ZEB1: variants seen among roughly 807,000 people sequenced by gnomAD.
The protein encoded by ZEB1 is zinc finger E-box-binding homeobox 1.
A neutral mutation model predicts 84.9 loss-of-function variants in ZEB1; 21 were observed. The ratio of observed to expected loss-of-function variants is 0.25; its 90% CI spans 0.18 to 0.36. The LOEUF is 0.36. Among genes scored for constraint, ZEB1 ranks in the 10% least tolerant of loss-of-function variants. ZEB1 has a pLI of 1.00. For synonymous variants in ZEB1, 420 were observed against 471.1 expected (o/e 0.89, Z 1.41); for missense variants, 1,104 against 1,330.2 (o/e 0.83, Z 2.65).
At chr10:31,425,654 G>C (rs982755633) in intron 1 of ZEB1, among the ~76,000 whole-genome samples, 1 of 152,008 alleles carries the variant, frequency 6.6e-6, no homozygotes, top group African/African-American at 2.4e-5. Context: ...TTTAGCATTA[G>C]TCACCCACAA....
intron 5 of ZEB1, among the ~76,000 whole-genome samples, chr10:31,511,891 A>G (rs1319082848): frequency 6.6e-6 from 1 of 152,202 alleles, no homozygotes; most frequent in African/African-American, 2.4e-5. Context: ...TACTTTGGCA[A>G]CAGTACTCAT....
In ZEB1 at chr10:31,361,285, C is replaced by T. The variant is rs1205736111; in HGVS notation, c.58+41993C>T. On this transcript the variant is annotated intron_variant, in intron 1 of 8. Transcript: ENST00000424869. Reference sequence around the variant, plus strand: ...TCGGCTCACTGCAACCTCCACTTCCCGGGTTCAAGCCATTCTCCTGCCTCA... The same window carrying T: ...TCGGCTCACTGCAACCTCCACTTCCTGGGTTCAAGCCATTCTCCTGCCTCA... The T allele has an allele frequency of 3.0e-5, 44 of 1,445,256 alleles. No homozygotes were observed. The East Asian group carries it at 3.2e-4, about 10-fold the overall frequency. The allele number at this position is 1,445,256 out of a possible 1,614,324, so 89.5% of individuals were successfully genotyped here.
intron 2 of ZEB1, among the ~76,000 whole-genome samples, chr10:31,471,914 A>G (rs1365270248): frequency 7.0e-6 from 1 of 143,034 alleles, no homozygotes; most frequent in African/African-American, 3.0e-5. Flanking sequence ...ATCTCACTCA[A>G]AACCACTCAA....
At chr10:31,424,224 T>A (rs537535363) in intron 1 of ZEB1, among the ~76,000 whole-genome samples, 1 of 152,166 alleles carries the variant, frequency 6.6e-6, no homozygotes, top group Admixed American at 6.5e-5. Context: ...AATGCCATCA[T>A]CAGTGAGACT....
At chr10:31,341,606 A>G (rs892244354) in intron 1 of ZEB1, among the ~76,000 whole-genome samples, 24 of 152,152 alleles carry the variant, frequency 1.6e-4, no homozygotes, top group Non-Finnish European at 3.1e-4. Context: ...GGCTGGAAAT[A>G]CAGCTTGAAG....
At chr10:31,438,586 T>G (rs2058542683) in intron 1 of ZEB1, among the ~76,000 whole-genome samples, 1 of 152,256 alleles carries the variant, frequency 6.6e-6, no homozygotes, top group South Asian at 2.1e-4. Context: ...CCAGTAATCC[T>G]AACACTTTGG....
rs950902247 is a variant in ZEB1, at chr10:31,529,127, C to T, written c.*1863C>T. 1.6e-4 allele frequency: 25 copies of T among 152,066 alleles called. No homozygotes were observed. Among genetic ancestry groups the T allele is most frequent in the African/African-American group, 6.0e-4 (25 of 41,392 alleles). The allele number at this position is 152,066 out of a possible 1,614,324, so 9.4% of individuals were successfully genotyped here. On this transcript the variant is annotated 3_prime_UTR_variant, in exon 9 of 9. Transcript: ENST00000424869. Reference sequence around the variant, plus strand: ...AGATCTGACTCTTCATTTTTAAGTTCCTTGTTACATCATGGTCATTTTCTA... The same window carrying T: ...AGATCTGACTCTTCATTTTTAAGTTTCTTGTTACATCATGGTCATTTTCTA...
At chr10:31,462,081 A>G (rs2061882404) in intron 2 of ZEB1, among the ~76,000 whole-genome samples, 1 of 152,168 alleles carries the variant, frequency 6.6e-6, no homozygotes, top group Non-Finnish European at 1.5e-5. Context: ...GCAAGAATTC[A>G]AGTTCAAAGA....
At chr10:31,450,790 T>C (rs1202097968) in intron 1 of ZEB1, among the ~76,000 whole-genome samples, 1 of 152,176 alleles carries the variant, frequency 6.6e-6, no homozygotes, top group African/African-American at 2.4e-5. Flanking sequence ...GCACATATAT[T>C]TTCTAATATT....
At chr10:31,332,292 A>G (rs112368802) in intron 1 of ZEB1, among the ~76,000 whole-genome samples, 1 of 152,154 alleles carries the variant, frequency 6.6e-6, no homozygotes, top group Admixed American at 6.5e-5. Context: ...TAGTCCCTGC[A>G]CTGTTAGGGG....
chr10:31,494,414 A>T (rs868069851), intron 2 of ZEB1, among the ~76,000 whole-genome samples: 4 of 152,066 alleles, frequency 2.6e-5, no homozygotes, highest in Non-Finnish European at 4.4e-5. Flanking sequence ...ATCTTCATGT[A>T]CTAGTATGAA....
intron 1 of ZEB1, among the ~76,000 whole-genome samples, chr10:31,350,739 G>A (rs1323468028): frequency 6.6e-6 from 1 of 151,796 alleles, no homozygotes; most frequent in African/African-American, 2.4e-5. Context: ...TTTTTTTTGG[G>A]TCTGTTTTAA....
chr10:31,441,268 CTGATGTT>C (rs1188689902), intron 1 of ZEB1, among the ~76,000 whole-genome samples: 4 of 152,212 alleles, frequency 2.6e-5, no homozygotes, highest in Non-Finnish European at 1.5e-5. Context: ...CTACAACCAT[CTGATGTT>C]TGACAAACCT....
chr10:31,376,831 A>G (rs970035305), intron 1 of ZEB1, among the ~76,000 whole-genome samples: 1 of 151,774 alleles, frequency 6.6e-6, no homozygotes, highest in Non-Finnish European at 1.5e-5. Context: ...TAATAATTAC[A>G]ATAATAATTT....
In ZEB1 at chr10:31,521,984, A is replaced by C. The variant is rs769865358; in HGVS notation, c.2604+48A>C. The C allele has an allele frequency of 1.9e-6, 3 of 1,612,468 alleles. No individual in the cohort carries two copies. The East Asian group carries it at 6.7e-5, about 36-fold the overall frequency. On this transcript the variant is annotated intron_variant, in intron 7 of 8. Coordinates refer to ENST00000424869, the MANE Select transcript of ZEB1 (RefSeq NM_001174096.2). Reference sequence around the variant, plus strand: ...AACCTGGCTAGTAATATGCTATTTGACTAATTTCAATTAACTTTGTCTAAT... The same window carrying C: ...AACCTGGCTAGTAATATGCTATTTGCCTAATTTCAATTAACTTTGTCTAAT...
intron 6 of ZEB1, among the ~76,000 whole-genome samples, chr10:31,518,990 T>C (rs2071733880): frequency 6.6e-6 from 1 of 152,210 alleles, no homozygotes; most frequent in Admixed American, 6.5e-5. Context: ...ACTGCTTTCA[T>C]TTTAATTCTT....
In ZEB1 at chr10:31,492,227, G is replaced by C. The variant is rs368403379; in HGVS notation, c.260-3549G>C. Among the ~76,000 whole-genome samples, 38 of 151,976 alleles carry C rather than the reference G, an allele frequency of 2.5e-4. 1 individual carries two copies. Among genetic ancestry groups the C allele is most frequent in the African/African-American group, 8.2e-4 (34 of 41,522 alleles). ...CTTAAGACTTTTCAACTTTACAGTG[G>C]TGTGAAAGAAATATGTATTCAATAG... On this transcript the variant is annotated intron_variant, in intron 2 of 8. Transcript: ENST00000424869.
At chr10:31,390,124 G>A (rs567689409) in intron 1 of ZEB1, among the ~76,000 whole-genome samples, 5 of 152,144 alleles carry the variant, frequency 3.3e-5, no homozygotes, top group Non-Finnish European at 5.9e-5. Flanking sequence ...AACAAATAAT[G>A]GTTTAGTGTA....
At position 31,487,467 on chromosome 10, in the gene ZEB1, A is replaced by G. The variant is rs75224272; in HGVS notation, c.260-8309A>G. Among the ~76,000 whole-genome samples, 7 of 151,404 alleles carry G rather than the reference A, an allele frequency of 4.6e-5. No homozygotes were observed. The East Asian group carries it at 1.2e-3, about 25-fold the overall frequency. On this transcript the variant is annotated intron_variant, in intron 2 of 8. Transcript: ENST00000424869. ...TAATTTCAGAATACAGATCATGTAC[A>G]TAGTTTGTTAAATTTACACCTATAT...
Sources: gnomAD v4.1 joint callset for allele counts (sites outside exome capture counted in the v4.1 genomes callset) on GRCh38, gnomAD v4.1.1 for gene constraint, MANE v1.5 for transcripts, NCBI Gene and HGNC (gene_info 2026-07-23, HGNC 2026-07-21) for gene names.